CDH13: variants seen among roughly 807,000 people sequenced by gnomAD.
CDH13 encodes the protein cadherin-13.
A neutral mutation model predicts 63.8 loss-of-function variants in CDH13; 24 were observed. The observed-to-expected ratio is 0.38, with a 90% confidence interval of 0.27 to 0.53. The LOEUF is 0.53. CDH13 is among the 20% of genes least tolerant of loss of function. The pLI, the probability that CDH13 is intolerant of heterozygous loss-of-function variation, is 0.85. For missense variants in CDH13, 1,049 were observed against 903.1 expected, an observed-to-expected ratio of 1.16 and a Z score of -2.07; for synonymous variants, 503 against 355.3, an observed-to-expected ratio of 1.42 and a Z score of -4.67.
At chr16:83,665,640 C>T (rs1451366266) in intron 8 of CDH13, among the ~76,000 whole-genome samples, 1 of 152,204 alleles carries the variant, frequency 6.6e-6, no homozygotes, top group Non-Finnish European at 1.5e-5. Flanking sequence ...TATTAGTTCT[C>T]TGTGAAACTT....
chr16:82,988,516 G>A (rs11862994), intron 2 of CDH13, among the ~76,000 whole-genome samples: 3 of 151,834 alleles, frequency 2.0e-5, no homozygotes, highest in African/African-American at 7.3e-5. Context: ...AATCCCAGCA[G>A]TTTGGGAGGC....
intron 5 of CDH13, among the ~76,000 whole-genome samples, chr16:83,258,133 G>C (rs1906516240): frequency 6.6e-6 from 1 of 152,272 alleles, no homozygotes; most frequent in East Asian, 1.9e-4. Flanking sequence ...GGCTATTTCT[G>C]ATTTACACAA....
At chr16:82,978,510 G>A (rs1053689909) in intron 2 of CDH13, among the ~76,000 whole-genome samples, 1 of 152,234 alleles carries the variant, frequency 6.6e-6, no homozygotes, top group Non-Finnish European at 1.5e-5. Context: ...ATGGGAACTT[G>A]GTGCCCTGTG....
Position 83,047,568 on chromosome 16 carries a change from GA to G in CDH13, c.366+15357del, listed in dbSNP as rs200193517. ...AAACTGAATTTTTAAAATACAAACAGAAAAAAAGCTCCCTGTATTTTCCCAA... is the reference window on the plus strand; with the variant it reads ...AAACTGAATTTTTAAAATACAAACAGAAAAAAGCTCCCTGTATTTTCCCAA... On this transcript the variant is annotated intron_variant, in intron 3 of 13. Coordinates refer to ENST00000567109, the MANE Select transcript of CDH13 (RefSeq NM_001257.5). The surrounding 1 kb of genome is among the most constrained non-coding windows in gnomAD (Gnocchi z 4.9). 2.0e-5 allele frequency among the ~76,000 whole-genome samples: 3 copies of G among 151,990 alleles called. No homozygotes were observed. Among genetic ancestry groups the G allele is most frequent in the Admixed American group, 6.6e-5 (1 of 15,256 alleles).
chr16:83,401,746 C>A (rs995830130), intron 6 of CDH13, among the ~76,000 whole-genome samples: 1 of 152,132 alleles, frequency 6.6e-6, no homozygotes, highest in African/African-American at 2.4e-5. Context: ...AATTTGAACC[C>A]AATCTGTTAA....
At position 82,858,490 on chromosome 16, in the gene CDH13, A is replaced by T; in HGVS notation, c.157+17A>T. 1 of 1,445,378 alleles carries T rather than the reference A, an allele frequency of 6.9e-7. No individual in the cohort carries two copies. The highest frequency in any genetic ancestry group is 9.7e-7 in the Non-Finnish European group (1 of 1,026,596). 89.5% of individuals were successfully genotyped at this position (1,445,378 alleles called of 1,614,324 possible). A position where few individuals can be genotyped will look rare whatever the true frequency, so the allele number is the denominator to read the frequency against. ...TTCTAAACTGTAAGCAATGTCACTCAAAGATGCTTTTAGACTCTTCTCATA... is the reference window on the plus strand; with the variant it reads ...TTCTAAACTGTAAGCAATGTCACTCTAAGATGCTTTTAGACTCTTCTCATA... On this transcript the variant is annotated intron_variant, in intron 2 of 13. Coordinates refer to ENST00000567109, the MANE Select transcript of CDH13 (RefSeq NM_001257.5).
At chr16:83,000,696 C>T (rs1255724855) in intron 2 of CDH13, among the ~76,000 whole-genome samples, 1 of 151,300 alleles carries the variant, frequency 6.6e-6, no homozygotes, top group Non-Finnish European at 1.5e-5. Flanking sequence ...TCTCCTGCCT[C>T]AGCTTCCCAG....
chr16:83,418,647 A>T (rs2071623304), intron 6 of CDH13, among the ~76,000 whole-genome samples: 1 of 152,118 alleles, frequency 6.6e-6, no homozygotes. Context: ...GTGTTGCTAG[A>T]ACTTGGCCTA....
chr16:83,208,056 C>T (rs148546095), intron 4 of CDH13, among the ~76,000 whole-genome samples: 16 of 152,256 alleles, frequency 1.1e-4, no homozygotes, highest in African/African-American at 3.9e-4. Flanking sequence ...AGCGCCTTCC[C>T]TGGGATGATG....
chr16:83,683,466 T>C (rs765564463), intron 10 of CDH13, among the ~76,000 whole-genome samples: 29 of 152,232 alleles, frequency 1.9e-4, no homozygotes, highest in Non-Finnish European at 2.1e-4. Context: ...ATTACCAAAA[T>C]TGGCTTGCAT....
At chr16:83,135,336 A>C (rs1485144155) in intron 4 of CDH13, among the ~76,000 whole-genome samples, 1 of 152,222 alleles carries the variant, frequency 6.6e-6, no homozygotes, top group African/African-American at 2.4e-5. Context: ...AACGTGTGTG[A>C]ATGCTTAAAG....
intron 5 of CDH13, among the ~76,000 whole-genome samples, chr16:83,239,727 C>T (rs1904301952): frequency 1.3e-5 from 2 of 152,194 alleles, no homozygotes; most frequent in African/African-American, 4.8e-5. Flanking sequence ...TACTACCTAT[C>T]AATCACTATT....
intron 6 of CDH13, among the ~76,000 whole-genome samples, chr16:83,417,070 A>G (rs573836226): frequency 6.6e-6 from 1 of 152,312 alleles, no homozygotes; most frequent in Non-Finnish European, 1.5e-5. Flanking sequence ...TATCATGGGA[A>G]TGATCCTATG....
chr16:83,286,737 C>A (rs1256193414), intron 5 of CDH13, among the ~76,000 whole-genome samples: 6 of 135,512 alleles, frequency 4.4e-5, no homozygotes, highest in African/African-American at 1.7e-4. Flanking sequence ...GCCTGGGCAA[C>A]AAAGTGCGAC....
intron 1 of CDH13, among the ~76,000 whole-genome samples, chr16:82,837,783 C>T (rs529066823): frequency 4.0e-4 from 61 of 152,292 alleles, no homozygotes; most frequent in African/African-American, 1.3e-3. Flanking sequence ...ACATTCCTGA[C>T]TCCCGGAAGA....
At chr16:83,441,753 G>C (rs564889822) in intron 6 of CDH13, among the ~76,000 whole-genome samples, 2 of 152,198 alleles carry the variant, frequency 1.3e-5, no homozygotes, top group Admixed American at 1.3e-4. Context: ...AAGAGAGAGA[G>C]TACCTGGTGG....
chr16:82,867,523 A>T (rs1567614667), intron 2 of CDH13, among the ~76,000 whole-genome samples: 1 of 152,012 alleles, frequency 6.6e-6, no homozygotes, highest in Non-Finnish European at 1.5e-5. Flanking sequence ...AGTTTCTTTC[A>T]CCAAGACGTT....
chr16:82,964,967 C>A (rs1432370232), intron 2 of CDH13, among the ~76,000 whole-genome samples: 1 of 152,212 alleles, frequency 6.6e-6, no homozygotes, highest in Non-Finnish European at 1.5e-5. Context: ...TATCACCCCA[C>A]TGGGAGCTAA....
chr16:83,544,798 A>C (rs1351877072), intron 7 of CDH13, among the ~76,000 whole-genome samples: 1 of 152,214 alleles, frequency 6.6e-6, no homozygotes, highest in Admixed American at 6.5e-5. Flanking sequence ...CTCATCTGCA[A>C]AATGAGGATT....
Sources: gnomAD v4.1 joint callset for allele counts (sites outside exome capture counted in the v4.1 genomes callset) on GRCh38, gnomAD v4.1.1 for gene constraint, Gnocchi (gnomAD v3.1) non-coding constraint, MANE v1.5 for transcripts, NCBI Gene and HGNC (gene_info 2026-07-23, HGNC 2026-07-21) for gene names.